The following FREM2 variants were observed in gnomAD, a reference collection of about 807,000 sequenced individuals.
FREM2 encodes the protein FRAS1-related extracellular matrix protein 2.
Under a neutral mutation model 219.9 loss-of-function variants are expected in FREM2, and 119 were observed. The observed-to-expected ratio is 0.54, with a 90% CI of 0.47 to 0.63. The LOEUF (loss-of-function observed/expected upper bound fraction) is 0.63, where lower values mean the gene tolerates loss of function less well. FREM2 is among the 30% of genes least tolerant of loss of function. The pLI, the probability that FREM2 is intolerant of heterozygous loss-of-function variation, is 0.00. For missense variants in FREM2, 4,030 were observed against 3,993.6 expected (o/e 1.01, Z -0.25); for synonymous variants, 1,562 against 1,522.8 (o/e 1.03, Z -0.60).
chr13:38,815,714 G>T (rs1875739010), intron 6 of FREM2, among the ~76,000 whole-genome samples: 1 of 152,204 alleles, frequency 6.6e-6, no homozygotes, highest in African/African-American at 2.4e-5. Flanking sequence ...AGGGACTCAG[G>T]CTGCTTTCAC....
chr13:38,880,855 C>T lies in FREM2; in HGVS notation c.*68C>T. The T allele has an allele frequency of 1.3e-6, 2 of 1,553,182 alleles. No homozygotes were observed. The highest frequency in any genetic ancestry group is 1.8e-6 in the Non-Finnish European group (2 of 1,128,878). ...AAAGATCACAATGGAACCTTAAATA[C>T]TTCTGGTAAACCATAGAGAATGGAG... On this transcript the variant is annotated 3_prime_UTR_variant, in exon 24 of 24. Transcript: ENST00000280481.
rs1218142894 is a variant in FREM2, at chr13:38,688,091, G to A, written c.747G>A (p.Pro249=). 2.5e-6 allele frequency: 4 copies of A among 1,609,788 alleles called. No homozygotes were observed. The highest frequency in any genetic ancestry group is 1.7e-5 in the Admixed American group (1 of 59,960). ...VPGGAREGGA[P]ETLLMDCKAF... ...GAGGAGCCAGAGAGGGAGGCGCCCC[G>A]GAGACTCTCCTGATGGACTGCAAAG... The change falls in exon 1 of 24, where the codon CCG becomes CCA. Residue 249 remains proline, a synonymous_variant. Coordinates refer to ENST00000280481, the MANE Select transcript of FREM2 (RefSeq NM_207361.6).
chr13:38,696,708 A>G (rs935285252), intron 1 of FREM2, among the ~76,000 whole-genome samples: 6 of 152,242 alleles, frequency 3.9e-5, no homozygotes, highest in African/African-American at 1.4e-4. Context: ...TTGTGTCTTC[A>G]TAATGAAAAC....
chr13:38,703,308 G>A (rs1377864165), intron 2 of FREM2, among the ~76,000 whole-genome samples: 1 of 152,116 alleles, frequency 6.6e-6, no homozygotes, highest in Non-Finnish European at 1.5e-5. Flanking sequence ...AGAGAAAAAA[G>A]CAAGCATTCT....
At chr13:38,868,082 A>G (rs1172042265) in intron 16 of FREM2, among the ~76,000 whole-genome samples, 1 of 152,210 alleles carries the variant, frequency 6.6e-6, no homozygotes, top group Non-Finnish European at 1.5e-5. Context: ...TTAAGTTTCT[A>G]CTTTTCCCCT....
intron 2 of FREM2, among the ~76,000 whole-genome samples, chr13:38,698,787 G>C (rs1054964524): frequency 6.6e-6 from 1 of 152,098 alleles, no homozygotes. Context: ...CATAGTATTT[G>C]TTTAAAATAT....
intron 6 of FREM2, among the ~76,000 whole-genome samples, chr13:38,845,733 G>A (rs1320068024): frequency 6.6e-6 from 1 of 152,070 alleles, no homozygotes; most frequent in African/African-American, 2.4e-5. Context: ...TTGGTCAGCT[G>A]ACTGCTAAAC....
At chr13:38,831,222 A>G (rs563974821) in intron 6 of FREM2, among the ~76,000 whole-genome samples, 4 of 152,300 alleles carry the variant, frequency 2.6e-5, no homozygotes, top group African/African-American at 9.6e-5. Flanking sequence ...TCTAGAAGGC[A>G]GGGAACTCAA....
chr13:38,697,555 A>G, intron 1 of FREM2, 143 bp from the exon 2 acceptor site: 1 of 658,254 alleles, frequency 1.5e-6, no homozygotes, highest in Non-Finnish European at 2.7e-6. Context: ...GAGATCTGAG[A>G]AATAAGACAG....
At chr13:38,815,872 A>C (rs1245815065) in intron 6 of FREM2, among the ~76,000 whole-genome samples, 1 of 152,186 alleles carries the variant, frequency 6.6e-6, no homozygotes. Context: ...TTTATGAGGG[A>C]TCTGTACCCA....
intron 2 of FREM2, among the ~76,000 whole-genome samples, chr13:38,739,805 T>C (rs751215763): frequency 6.6e-6 from 1 of 152,162 alleles, no homozygotes; most frequent in Non-Finnish European, 1.5e-5. Flanking sequence ...TAGTGCATGA[T>C]TGGAATTTGT....
At chr13:38,855,446 A>C (rs367669427) in intron 11 of FREM2, among the ~76,000 whole-genome samples, 2 of 152,296 alleles carry the variant, frequency 1.3e-5, no homozygotes, top group African/African-American at 4.8e-5. Context: ...ATAAGAGGTT[A>C]ATTTTTCTGA....
At position 38,876,064 on chromosome 13, in the gene FREM2, G is replaced by A. The variant is rs757700321; in HGVS notation, c.8324G>A (p.Gly2775Asp). ...SSVIMSADHP[G>D]LTFSLRLIRS... ...GTGATCATGTCAGCTGATCATCCAG[G>A]CCTGACATTTTCCCTCCGCCTCATA... Residue 2775 changes from glycine (G) to aspartate (D), a missense_variant, in exon 19 of 24, where the codon GGC becomes GAC. Gly to Asp is a moderately conservative substitution (Grantham distance 94). Coordinates refer to ENST00000280481, the MANE Select transcript of FREM2 (RefSeq NM_207361.6). The A allele has an allele frequency of 1.1e-5, 18 of 1,613,538 alleles. No homozygotes were observed. Among genetic ancestry groups the A allele is most frequent in the Non-Finnish European group, 1.5e-5 (18 of 1,179,682 alleles).
chr13:38,801,328 A>G (rs1404852353), intron 6 of FREM2, among the ~76,000 whole-genome samples: 1 of 151,694 alleles, frequency 6.6e-6, no homozygotes, highest in African/African-American at 2.4e-5. Context: ...ATTCTTTGGG[A>G]TTTTGTGAAT....
chr13:38,852,388 A>G (rs1877403576), intron 11 of FREM2, among the ~76,000 whole-genome samples: 1 of 152,172 alleles, frequency 6.6e-6, no homozygotes, highest in South Asian at 2.1e-4. Flanking sequence ...GGAAATTTTG[A>G]GTAAATGTGC....
intron 2 of FREM2, among the ~76,000 whole-genome samples, chr13:38,727,167 A>C (rs1871561085): frequency 6.6e-6 from 1 of 152,230 alleles, no homozygotes; most frequent in African/African-American, 2.4e-5. Flanking sequence ...TAGGTATTTA[A>C]CTTTTAGATT....
At chr13:38,754,608 C>T (rs567189629) in intron 2 of FREM2, among the ~76,000 whole-genome samples, 4 of 152,092 alleles carry the variant, frequency 2.6e-5, no homozygotes, top group African/African-American at 9.7e-5. Context: ...TGCAGGGTTG[C>T]TGTGAGATGC....
In FREM2 at chr13:38,691,491, G is replaced by C; in HGVS notation, c.4147G>C (p.Val1383Leu). ...DEVDRNLIQY[V>L]HLGQEGIRDL... ...AGTAGACAGAAACTTAATTCAGTAT[G>C]TCCATTTGGGGCAAGAGGGCATTCG... The change falls in exon 1 of 24, where the codon GTC becomes CTC. Residue 1383 changes from valine to leucine, a missense_variant. This residue lies in a region of FREM2 where 3,102 missense variants were observed against 2,950.7 expected (regional missense o/e 1.05). Coordinates refer to ENST00000280481, the MANE Select transcript of FREM2 (RefSeq NM_207361.6). The C allele has an allele frequency of 6.2e-7, 1 of 1,614,104 alleles. No homozygotes were observed. The highest frequency in any genetic ancestry group is 8.5e-7 in the Non-Finnish European group (1 of 1,179,974).
intron 1 of FREM2, among the ~76,000 whole-genome samples, chr13:38,695,649 G>T (rs559862399): frequency 1.3e-5 from 2 of 152,276 alleles, no homozygotes; most frequent in African/African-American, 4.8e-5. Flanking sequence ...AGAGGTCATG[G>T]TTCTTGTGGT....
Sources: gnomAD v4.1 joint callset for allele counts (sites outside exome capture counted in the v4.1 genomes callset) on GRCh38, gnomAD v4.1.1 for gene constraint, gnomAD v4.1.1 regional missense constraint, MANE v1.5 for transcripts, NCBI Gene and HGNC (gene_info 2026-07-23, HGNC 2026-07-21) for gene names.